Variants in TMF1 observed in about 807,000 individuals in gnomAD.
The protein encoded by TMF1 is TATA element modulatory factor 1.
Under a neutral mutation model 126.5 loss-of-function variants are expected in TMF1, and 71 were observed. The ratio of observed to expected loss-of-function variants is 0.56; its 90% CI spans 0.46 to 0.68. TMF1 has a LOEUF of 0.68. Among genes scored for constraint, TMF1 ranks in the 30% least tolerant of loss-of-function variants. The pLI is 0.00. For missense variants in TMF1, 1,259 were observed against 1,253.2 expected, an observed-to-expected ratio of 1.00 and a Z score of -0.07; for synonymous variants, 461 against 430.5, an observed-to-expected ratio of 1.07 and a Z score of -0.88.
intron 2 of TMF1, among the ~76,000 whole-genome samples, chr3:69,044,843 A>C (rs1455066399): frequency 1.3e-5 from 2 of 152,198 alleles, no homozygotes; most frequent in African/African-American, 4.8e-5. Context: ...CAATTAGGCA[A>C]TATCTAGTTG....
chr3:69,037,485 A>AG (rs1224447279), intron 8 of TMF1, among the ~76,000 whole-genome samples: 2 of 152,000 alleles, frequency 1.3e-5, no homozygotes, highest in African/African-American at 4.8e-5. Context: ...ACTAAAAAAA[A>AG]ACAAAAATTA....
At position 69,047,690 on chromosome 3, in the gene TMF1, C is replaced by A; in HGVS notation, c.1015G>T (p.Val339Leu). 3 of 1,614,118 alleles carry A rather than the reference C, an allele frequency of 1.9e-6. No homozygotes were observed. The South Asian group carries it at 3.3e-5, about 18-fold the overall frequency. Residue 339 changes from valine (V) to leucine (L), a missense_variant, in exon 2 of 17, where the codon GTA becomes TTA. Transcript: ENST00000398559. ...TCATCATCTGAATTGATTTCACTTA[C>A]ACTCCGGCTATCTAATGACTGTACA... ...FSVQSLDSRS[V>L]SEINSDDELS...
At position 69,021,754 on chromosome 3, in the gene TMF1, C is replaced by G. The variant is rs1469259371; in HGVS notation, c.*1423G>C. 2.6e-5 allele frequency: 4 copies of G among 151,316 alleles called. No homozygotes were observed. The highest frequency in any genetic ancestry group is 9.7e-5 in the African/African-American group (4 of 41,128). The allele number at this position is 151,316 out of a possible 1,614,324, so 9.4% of individuals were successfully genotyped here. The stretch of plus-strand genomic sequence containing the variant: ...GGAGTGCAGTGGCACAATCTTGGCT[C>G]ATTGTAACCTCCACCTCCCAGGTTC... On this transcript the variant is annotated 3_prime_UTR_variant, in exon 17 of 17. Coordinates refer to ENST00000398559, the MANE Select transcript of TMF1 (RefSeq NM_007114.3).
At chr3:69,038,507 T>G in intron 8 of TMF1, 57 bp downstream of exon 8, 1 of 1,558,786 alleles carries the variant, frequency 6.4e-7, no homozygotes, top group African/African-American at 1.4e-5. Flanking sequence ...TTGTTTAATT[T>G]GTAGAAGCAT....
intron 11 of TMF1, among the ~76,000 whole-genome samples, 176 bp downstream of exon 11, chr3:69,029,639 C>G (rs948242496): frequency 8.6e-5 from 13 of 152,010 alleles, no homozygotes; most frequent in African/African-American, 2.9e-4. Flanking sequence ...GTAGGTTTCG[C>G]CATGTTGGCC....
At chr3:69,029,489 G>C (rs1575809867) in intron 11 of TMF1, among the ~76,000 whole-genome samples, 1 of 151,308 alleles carries the variant, frequency 6.6e-6, no homozygotes, top group African/African-American at 2.4e-5. Flanking sequence ...CTGTCACCCA[G>C]GCTGGAGTGC....
intron 10 of TMF1, chr3:69,030,286 C>A (rs2091791879): frequency 7.4e-6 from 2 of 272,034 alleles, no homozygotes; most frequent in African/African-American, 2.2e-5. Context: ...AGCAACTGGA[C>A]AGCTATATGC....
At position 69,035,156 on chromosome 3, in the gene TMF1, G is replaced by T. The variant is rs114699684; in HGVS notation, c.2152-41C>A. The T allele has an allele frequency of 4.6e-6, 7 of 1,517,058 alleles. No homozygotes were observed. In the South Asian group the frequency reaches 5.7e-5, roughly 12 times the overall value. The allele number at this position is 1,517,058 out of a possible 1,614,324, so 94.0% of individuals were successfully genotyped here. ...CAATACATTCACAAACAATGGTACA[G>T]TATTATCTATAACTTCCCACTAACT... is the stretch of plus-strand genomic sequence containing the variant. On this transcript the variant is annotated intron_variant, in intron 8 of 16. Coordinates refer to ENST00000398559, the MANE Select transcript of TMF1 (RefSeq NM_007114.3).
chr3:69,047,511 T>C lies in TMF1; in HGVS notation c.1194A>G (p.Arg398=). The C allele has an allele frequency of 6.2e-7, 1 of 1,614,224 alleles. No individual in the cohort carries two copies. Among genetic ancestry groups the C allele is most frequent in the Non-Finnish European group, 8.5e-7 (1 of 1,180,044 alleles). ...TEEAEMEESG[R]SATPVNCEQP... is the part of the protein sequence containing the mutation. The stretch of plus-strand genomic sequence containing the variant: ...GTTCACAGTTAACAGGAGTTGCACT[T>C]CGTCCACTTTCTTCCATTTCTGCTT... The change falls in exon 2 of 17, where the codon CGA becomes CGG. Residue 398 remains arginine, a synonymous_variant. Transcript: ENST00000398559.
At chr3:69,031,090 A>C (rs545227036) in intron 10 of TMF1, among the ~76,000 whole-genome samples, 2 of 152,316 alleles carry the variant, frequency 1.3e-5, no homozygotes, top group Admixed American at 6.5e-5. Context: ...ATACAAAAAC[A>C]ACTGTGTGAA....
At position 69,042,873 on chromosome 3, in the gene TMF1, T is replaced by G. The variant is rs1282778046; in HGVS notation, c.1618A>C (p.Asn540His). Residue 540 changes from asparagine to histidine, a missense_variant, in exon 5 of 17, where the codon AAT (asparagine) becomes CAT (histidine). Transcript: ENST00000398559. ...NIKEELATRL[N>H]SSETADLLKE... is the part of the protein sequence containing the mutation. The stretch of plus-strand genomic sequence containing the variant: ...AAAAGGTCTGCAGTTTCACTACTAT[T>G]TAATCTAGTGGCAAGTTCTTCTTTT... The G allele has an allele frequency of 6.2e-7, 1 of 1,613,578 alleles. No individual in the cohort carries two copies. Among genetic ancestry groups the G allele is most frequent in the Non-Finnish European group, 8.5e-7 (1 of 1,179,762 alleles).
chr3:69,039,713 A>G lies in TMF1; in HGVS notation c.1685-20T>C, dbSNP rs1392014237. ...TTTCTCCTGGTGATGGTAAAGAAGT[A>G]TAAACTCAAATGATAACTATTCCCT... On this transcript the variant is annotated intron_variant, in intron 5 of 16. Coordinates refer to ENST00000398559, the MANE Select transcript of TMF1 (RefSeq NM_007114.3). 4 of 1,600,656 alleles carry G rather than the reference A, an allele frequency of 2.5e-6. No individual in the cohort carries two copies. Among genetic ancestry groups the G allele is most frequent in the Admixed American group, 1.8e-5 (1 of 56,912 alleles).
At chr3:69,042,652 C>T in intron 5 of TMF1, 155 bp downstream of exon 5, 1 of 716,814 alleles carries the variant, frequency 1.4e-6, no homozygotes, top group Non-Finnish European at 2.5e-6. Flanking sequence ...TATCTTATTC[C>T]TCATTCTTCC....
rs199770568 is a variant in TMF1, at chr3:69,025,757, C to G, written c.2860-45G>C. On this transcript the variant is annotated intron_variant, in intron 14 of 16. Transcript: ENST00000398559. Reference sequence around the variant, plus strand: ...TCACACAGTTACTCAGTTATCATAGCTTGTCTTCCATTACCAGGTTCGAAC... The same window carrying G: ...TCACACAGTTACTCAGTTATCATAGGTTGTCTTCCATTACCAGGTTCGAAC... The G allele has an allele frequency of 1.7e-5, 27 of 1,574,286 alleles. No individual in the cohort carries two copies. In the African/African-American group the frequency reaches 3.7e-4, roughly 21 times the overall value.
chr3:69,038,781 T>G, intron 7 of TMF1, 61 bp from the exon 8 acceptor site: 3 of 1,587,194 alleles, frequency 1.9e-6, no homozygotes, highest in Non-Finnish European at 2.6e-6. Flanking sequence ...AAAAAGTATT[T>G]CTTCAACATC....
chr3:69,037,584 A>G (rs1021452925), intron 8 of TMF1, among the ~76,000 whole-genome samples: 1 of 151,922 alleles, frequency 6.6e-6, no homozygotes, highest in South Asian at 2.1e-4. Context: ...GGAGGTTGCA[A>G]TGAGCCGAGA....
intron 9 of TMF1, 39 bp downstream of exon 9, chr3:69,034,984 T>C (rs1366793943): frequency 3.9e-6 from 6 of 1,525,152 alleles, no homozygotes; most frequent in Non-Finnish European, 5.5e-6. Flanking sequence ...GAAAAACACA[T>C]ACTTCTTGGA....
intron 13 of TMF1, among the ~76,000 whole-genome samples, chr3:69,026,571 G>C (rs1160260669): frequency 6.6e-6 from 1 of 152,164 alleles, no homozygotes; most frequent in Non-Finnish European, 1.5e-5. Flanking sequence ...GGTGAGCTGA[G>C]ATAGCACCAC....
rs763915078 is a variant in TMF1, at chr3:69,038,988, C to A, written c.1849G>T (p.Val617Phe). The part of the protein sequence containing the change: ...LKQVLDGKEE[V>F]EKQHRENIKK... ...ATATTTTCTCTATGTTGTTTCTCAA[C>A]CTCTTCTTTGCCATCAAGGACCTAT... is the stretch of plus-strand genomic sequence containing the variant. Residue 617 changes from valine (V) to phenylalanine (F), a missense_variant, in exon 7 of 17, where the codon GTT becomes TTT. Physicochemically the swap from Val to Phe is conservative, Grantham distance 50. Coordinates refer to ENST00000398559, the MANE Select transcript of TMF1 (RefSeq NM_007114.3). The A allele has an allele frequency of 6.3e-7, 1 of 1,598,340 alleles. No homozygotes were observed. The highest frequency in any genetic ancestry group is 1.1e-5 in the South Asian group (1 of 87,792).
Sources: gnomAD v4.1 joint callset for allele counts (sites outside exome capture counted in the v4.1 genomes callset) on GRCh38, gnomAD v4.1.1 for gene constraint, MANE v1.5 for transcripts, NCBI Gene and HGNC (gene_info 2026-07-23, HGNC 2026-07-21) for gene names.